The following CREM variants were observed in gnomAD, a reference collection of about 807,000 sequenced individuals.
CREM encodes cAMP responsive element modulator.
Under a neutral mutation model 37.3 loss-of-function variants are expected in CREM, and 13 were observed. That is an observed-to-expected ratio of 0.35 (90% CI 0.23 to 0.55). The LOEUF is 0.55. CREM is among the 20% of genes least tolerant of loss of function. The pLI is 0.88. For missense variants in CREM, 296 were observed against 362.3 expected (o/e 0.82, Z 1.49); for synonymous variants, 124 against 120.2 (o/e 1.03, Z -0.21).
At chr10:35,188,132 C>A (rs1342237435) in intron 5 of CREM, 68 bp from the exon 6 acceptor site, 1 of 1,430,938 alleles carries the variant, frequency 7.0e-7, no homozygotes, top group African/African-American at 1.4e-5. Flanking sequence ...AGAGTATATT[C>A]TTCCAATAGG....
intron 6 of CREM, among the ~76,000 whole-genome samples, chr10:35,191,666 T>G (rs2094924960): frequency 6.6e-6 from 1 of 152,180 alleles, no homozygotes; most frequent in African/African-American, 2.4e-5. Context: ...TTCCTGAGAC[T>G]GTGTCCTCCT....
At chr10:35,140,352 G>A (rs993379296) in intron 2 of CREM, among the ~76,000 whole-genome samples, 3 of 152,040 alleles carry the variant, frequency 2.0e-5, no homozygotes, top group Admixed American at 2.0e-4. Flanking sequence ...ACTGTAATTC[G>A]CAGGGCACTG....
At chr10:35,202,273 T>C (rs2095405559) in intron 6 of CREM, among the ~76,000 whole-genome samples, 6 of 152,246 alleles carry the variant, frequency 3.9e-5, no homozygotes, top group Admixed American at 3.9e-4. Context: ...GTCTTTGAAC[T>C]GTGATCCTTG....
chr10:35,177,236 A>G (rs751642930), intron 3 of CREM, among the ~76,000 whole-genome samples: 13 of 152,110 alleles, frequency 8.5e-5, no homozygotes, highest in Non-Finnish European at 1.6e-4. Context: ...TCTTTGTGGC[A>G]TGGGTATTTT....
intron 1 of CREM, among the ~76,000 whole-genome samples, chr10:35,136,965 C>T (rs2090632816): frequency 6.6e-6 from 1 of 151,952 alleles, no homozygotes; most frequent in African/African-American, 2.4e-5. Context: ...GGAGTCCAGG[C>T]CTGTGCCACC....
intron 7 of CREM, among the ~76,000 whole-genome samples, chr10:35,207,751 G>A (rs1402735579): frequency 6.6e-6 from 1 of 151,928 alleles, no homozygotes; most frequent in African/African-American, 2.4e-5. Flanking sequence ...TGCAGCCTGG[G>A]TGACAGTGAG....
chr10:35,168,755 G>A (rs371741442), intron 3 of CREM, among the ~76,000 whole-genome samples: 12 of 152,034 alleles, frequency 7.9e-5, no homozygotes, highest in Admixed American at 3.9e-4. Context: ...TCTTTAATCC[G>A]TCTTGAATTA....
intron 3 of CREM, chr10:35,175,505 A>G (rs760246254): frequency 3.3e-6 from 2 of 615,352 alleles, no homozygotes; most frequent in Non-Finnish European, 5.9e-6. Flanking sequence ...GTTAGAGGGT[A>G]GTTTATACTC....
intron 2 of CREM, among the ~76,000 whole-genome samples, chr10:35,144,691 A>G (rs1294949395): frequency 1.3e-5 from 2 of 152,088 alleles, no homozygotes; most frequent in Non-Finnish European, 2.9e-5. Context: ...CTTTTATCAT[A>G]TCTCAAAAAT....
At chr10:35,196,394 G>A (rs2095169104) in intron 6 of CREM, 1 of 413,072 alleles carries the variant, frequency 2.4e-6, no homozygotes, top group East Asian at 4.4e-5. Context: ...TGTGCTTGCA[G>A]TGTTGTTTAT....
chr10:35,197,618 A>G (rs185914753), intron 6 of CREM, among the ~76,000 whole-genome samples: 33 of 151,812 alleles, frequency 2.2e-4, no homozygotes, highest in African/African-American at 8.0e-4. Context: ...ACGCCCGGCT[A>G]ATTTTGTTTT....
At chr10:35,149,409 T>C (rs12761675) in intron 3 of CREM, among the ~76,000 whole-genome samples, 46,781 of 151,884 alleles carry the variant, frequency 0.31, 7,506 homozygotes, top group South Asian at 0.35. Flanking sequence ...TAAAGGTAAG[T>C]AGAGGATCGT....
chr10:35,189,241 A>T (rs2094801019), intron 6 of CREM, among the ~76,000 whole-genome samples: 2 of 150,934 alleles, frequency 1.3e-5, no homozygotes, highest in African/African-American at 4.9e-5. Flanking sequence ...TGAAGTATCC[A>T]TTCTAGCTCT....
At chr10:35,193,718 T>TTCC (rs1468910995) in intron 6 of CREM, among the ~76,000 whole-genome samples, 1 of 152,152 alleles carries the variant, frequency 6.6e-6, no homozygotes, top group Non-Finnish European at 1.5e-5. Context: ...AGTCCTTACC[T>TTCC]TTACTGGAAG....
intron 1 of CREM, among the ~76,000 whole-genome samples, chr10:35,129,488 A>G (rs1454412066): frequency 6.6e-6 from 1 of 152,172 alleles, no homozygotes; most frequent in African/African-American, 2.4e-5. Flanking sequence ...TCCTGACTGA[A>G]TCTTTACCAA....
intron 6 of CREM, among the ~76,000 whole-genome samples, chr10:35,196,869 T>TTTTTTC (rs1373240322): frequency 7.2e-6 from 1 of 139,572 alleles, no homozygotes; most frequent in Non-Finnish European, 1.6e-5. Context: ...TGTGTACTTT[T>TTTTTTC]TTTTTTTTTT....
intron 3 of CREM, among the ~76,000 whole-genome samples, chr10:35,174,527 C>A (rs1178985629): frequency 6.6e-6 from 1 of 152,026 alleles, no homozygotes; most frequent in Admixed American, 6.6e-5. Flanking sequence ...TTTAATAATT[C>A]TTTTCAGATA....
intron 3 of CREM, among the ~76,000 whole-genome samples, chr10:35,157,908 A>G (rs1488352725): frequency 1.3e-5 from 2 of 152,184 alleles, no homozygotes; most frequent in African/African-American, 4.8e-5. Context: ...AGGATATGAA[A>G]TCAACTTATA....
intron 3 of CREM, among the ~76,000 whole-genome samples, chr10:35,159,717 G>T (rs1051169823): frequency 6.6e-6 from 1 of 152,192 alleles, no homozygotes; most frequent in African/African-American, 2.4e-5. Flanking sequence ...TGGACAAACA[G>T]TATTACGTCA....
Sources: allele counts gnomAD v4.1 joint callset (sites outside exome capture counted in the v4.1 genomes callset), GRCh38; gene constraint gnomAD v4.1.1; transcripts MANE v1.5; gene names NCBI Gene and HGNC (gene_info 2026-07-23, HGNC 2026-07-21).